Variants in CSMD3 observed in about 807,000 individuals in gnomAD.
The protein encoded by CSMD3 is CUB and sushi domain-containing protein 3.
CSMD3 carries 177 observed loss-of-function variants against 435.2 expected under a neutral mutation model. That is an observed-to-expected ratio of 0.41 (90% CI 0.36 to 0.46). The LOEUF is 0.46. CSMD3 is among the 20% of genes least tolerant of loss of function. The probability of loss-of-function intolerance (pLI) is 0.34; values close to 1 mark genes in which losing one functional copy is unlikely to be tolerated. For missense variants in CSMD3, 4,265 were observed against 4,504.6 expected (o/e 0.95, Z 1.52); for synonymous variants, 1,656 against 1,520.5 (o/e 1.09, Z -2.07).
intron 12 of CSMD3, among the ~76,000 whole-genome samples, chr8:112,807,886 T>G (rs2079130816): frequency 6.6e-6 from 1 of 152,142 alleles, no homozygotes; most frequent in Admixed American, 6.6e-5. Context: ...GGATAAAACA[T>G]TTGACTGAAC....
At chr8:113,179,170 T>C (rs899751234) in intron 3 of CSMD3, among the ~76,000 whole-genome samples, 1 of 151,802 alleles carries the variant, frequency 6.6e-6, no homozygotes, top group Non-Finnish European at 1.5e-5. Context: ...TATTTTAATA[T>C]GAGAATACCA....
intron 1 of CSMD3, among the ~76,000 whole-genome samples, chr8:113,373,753 T>A (rs534680782): frequency 6.6e-6 from 1 of 152,064 alleles, no homozygotes; most frequent in South Asian, 2.1e-4. Flanking sequence ...ATTTAAAGCA[T>A]CACATGAAGT....
intron 22 of CSMD3, among the ~76,000 whole-genome samples, chr8:112,599,240 T>C (rs1409077924): frequency 6.7e-6 from 1 of 150,258 alleles, no homozygotes; most frequent in African/African-American, 2.5e-5. Context: ...AAAGAAGACA[T>C]TTATGCAGCC....
chr8:113,181,593 A>G (rs1285641731), intron 3 of CSMD3, among the ~76,000 whole-genome samples: 1 of 152,096 alleles, frequency 6.6e-6, no homozygotes, highest in African/African-American at 2.4e-5. Context: ...ATTTACAAAA[A>G]CGATATTATA....
intron 59 of CSMD3, among the ~76,000 whole-genome samples, chr8:112,270,467 AAAATTCTCAAAGG>A (rs34747822): frequency 0.035 from 5,318 of 151,774 alleles, 116 homozygotes; most frequent in Non-Finnish European, 0.046. Context: ...TCTCAAAGGT[AAAATTCTCAAAGG>A]AAATTCTCAA....
At chr8:112,522,522 C>T (rs1032323843) in intron 27 of CSMD3, among the ~76,000 whole-genome samples, 3 of 151,548 alleles carry the variant, frequency 2.0e-5, no homozygotes, top group Non-Finnish European at 4.4e-5. Flanking sequence ...TCCATCAGTA[C>T]AAGAATTTGA....
At chr8:113,113,993 A>G (rs2090746062) in intron 4 of CSMD3, among the ~76,000 whole-genome samples, 1 of 152,198 alleles carries the variant, frequency 6.6e-6, no homozygotes, top group African/African-American at 2.4e-5. Flanking sequence ...TAAAGTAGAC[A>G]TCATCTTCTA....
At chr8:113,394,958 G>A (rs1436269321) in intron 1 of CSMD3, among the ~76,000 whole-genome samples, 1 of 151,994 alleles carries the variant, frequency 6.6e-6, no homozygotes, top group Non-Finnish European at 1.5e-5. Context: ...AACAAATAGA[G>A]AAAAATCAAG....
At chr8:112,622,685 G>T (rs767367285) in intron 22 of CSMD3, among the ~76,000 whole-genome samples, 1 of 152,050 alleles carries the variant, frequency 6.6e-6, no homozygotes, top group African/African-American at 2.4e-5. Context: ...TAAAAGTAAC[G>T]CAATGAGTAT....
chr8:112,828,978 G>A (rs2079781520), intron 12 of CSMD3, among the ~76,000 whole-genome samples: 1 of 151,778 alleles, frequency 6.6e-6, no homozygotes, highest in Non-Finnish European at 1.5e-5. Context: ...TGGAATAATA[G>A]TTCTAGGAGG....
At chr8:112,924,862 A>G (rs1215956739) in intron 9 of CSMD3, among the ~76,000 whole-genome samples, 1 of 152,082 alleles carries the variant, frequency 6.6e-6, no homozygotes, top group African/African-American at 2.4e-5. Context: ...GTCTGTTGTG[A>G]TAAAGTAATG....
rs545719159 is a variant in CSMD3 at position 112,527,646 on chromosome 8, AAAC to A, written c.4565-10424_4565-10422del. Among the ~76,000 whole-genome samples, 305 of 152,078 alleles carry A rather than the reference AAAC, an allele frequency of 2.0e-3. 1 individual carries two copies. Among genetic ancestry groups the A allele is most frequent in the Non-Finnish European group, 3.7e-3 (248 of 67,894 alleles). On this transcript the variant is annotated intron_variant, in intron 27 of 70. Coordinates refer to ENST00000297405, the MANE Select transcript of CSMD3 (RefSeq NM_198123.2). The stretch of plus-strand genomic sequence containing the variant: ...GGTGCACAAGGTATTTTTTTTAAAA[AAAC>A]ATGTTGGGCTATGGTTTTCTCAGTA...
chr8:112,960,591 A>C (rs1318213728), intron 7 of CSMD3, among the ~76,000 whole-genome samples: 1 of 151,824 alleles, frequency 6.6e-6, no homozygotes, highest in Non-Finnish European at 1.5e-5. Flanking sequence ...AAATATGTTT[A>C]AAATAAATGA....
chr8:113,409,014 A>G (rs948528450), intron 1 of CSMD3, among the ~76,000 whole-genome samples: 1 of 151,714 alleles, frequency 6.6e-6, no homozygotes, highest in Non-Finnish European at 1.5e-5. Context: ...TTCTCGGCCC[A>G]TAGCCAACAG....
chr8:112,990,066 C>T (rs761406874), intron 6 of CSMD3, among the ~76,000 whole-genome samples: 18 of 151,924 alleles, frequency 1.2e-4, no homozygotes, highest in East Asian at 3.9e-4. Flanking sequence ...ATTCACCTTC[C>T]GCCATGATTG....
At chr8:112,312,471 G>C (rs1420596050) in intron 49 of CSMD3, among the ~76,000 whole-genome samples, 1 of 152,038 alleles carries the variant, frequency 6.6e-6, no homozygotes. Flanking sequence ...GGCTAGGCTG[G>C]TCTCGAACTC....
intron 10 of CSMD3, among the ~76,000 whole-genome samples, chr8:112,891,169 C>A (rs2081776893): frequency 6.6e-6 from 1 of 151,596 alleles, no homozygotes; most frequent in African/African-American, 2.4e-5. Flanking sequence ...TTTAGTCTCA[C>A]TACTCGATGT....
chr8:112,921,280 CA>C (rs1461338717), intron 10 of CSMD3, among the ~76,000 whole-genome samples: 1 of 151,872 alleles, frequency 6.6e-6, no homozygotes, highest in Non-Finnish European at 1.5e-5. Flanking sequence ...ATTCAAATGG[CA>C]AACTATGCAA....
chr8:112,391,615 C>A (rs535581159), intron 35 of CSMD3, among the ~76,000 whole-genome samples: 1 of 151,970 alleles, frequency 6.6e-6, no homozygotes, highest in South Asian at 2.1e-4. Context: ...TTGCTTGAAC[C>A]CAGGAGGCAG....
Sources: gnomAD v4.1 joint callset for allele counts (sites outside exome capture counted in the v4.1 genomes callset) on GRCh38, gnomAD v4.1.1 for gene constraint, MANE v1.5 for transcripts, NCBI Gene and HGNC (gene_info 2026-07-23, HGNC 2026-07-21) for gene names.